The following SLC4A4 variants were observed in gnomAD, a reference collection of about 807,000 sequenced individuals.
SLC4A4 encodes the protein solute carrier family 4 member 4.
SLC4A4 carries 27 observed loss-of-function variants against 111.5 expected under a neutral mutation model. That is an observed-to-expected ratio of 0.24 (90% CI 0.18 to 0.33). The LOEUF (loss-of-function observed/expected upper bound fraction) is 0.33. SLC4A4 is among the 10% of genes least tolerant of loss of function. The probability of loss-of-function intolerance (pLI) is 1.00; values close to 1 mark genes in which losing one functional copy is unlikely to be tolerated. For synonymous variants in SLC4A4, 443 were observed against 463.4 expected (o/e 0.96, Z 0.57); for missense variants, 909 against 1,315.5 (o/e 0.69, Z 4.78).
Position 71,567,635 on chromosome 4 carries a change from T to G in SLC4A4, c.*37-153T>G, listed in dbSNP as rs148730529. On this transcript the variant is annotated intron_variant, in intron 25 of 25. Coordinates refer to ENST00000264485, the MANE Select transcript of SLC4A4 (RefSeq NM_001098484.3). ...GACTCTGCTGGTAACCTTCATCCCA[T>G]TTAAAATGTTTGTTTTTAATACACA... Among the ~76,000 whole-genome samples the G allele has an allele frequency of 3.6e-3, 549 of 151,902 alleles. 3 individuals are homozygous for G. The highest frequency in any genetic ancestry group is 0.013 in the African/African-American group (529 of 41,504).
At chr4:71,084,002 C>T (rs1742071190) in intron 1 of SLC4A4, among the ~76,000 whole-genome samples, 1 of 146,476 alleles carries the variant, frequency 6.8e-6, no homozygotes, top group Admixed American at 6.8e-5. Flanking sequence ...CTGGAGCTGT[C>T]TCTCTCTCTC....
chr4:71,212,615 A>C (rs1484919307), intron 1 of SLC4A4, among the ~76,000 whole-genome samples: 1 of 152,246 alleles, frequency 6.6e-6, no homozygotes, highest in Non-Finnish European at 1.5e-5. Flanking sequence ...GGTTGAGACT[A>C]GATGAATGAG....
At chr4:71,532,002 C>T in intron 16 of SLC4A4, 60 bp from the exon 17 acceptor site, 1 of 984,228 alleles carries the variant, frequency 1.0e-6, no homozygotes, top group East Asian at 2.5e-5. Flanking sequence ...TCAGTTCAAA[C>T]ACAGACAAAT....
chr4:71,458,881 T>C (rs945911561), intron 12 of SLC4A4, among the ~76,000 whole-genome samples: 1 of 152,060 alleles, frequency 6.6e-6, no homozygotes, highest in Admixed American at 6.6e-5. Context: ...CATTTCCTCC[T>C]TGAAGTGAAA....
chr4:71,135,611 T>C (rs536632552), intron 2 of SLC4A4, among the ~76,000 whole-genome samples: 2 of 152,302 alleles, frequency 1.3e-5, no homozygotes, highest in South Asian at 4.1e-4. Context: ...TCTACTCTTT[T>C]AGCAATTTTC....
intron 6 of SLC4A4, among the ~76,000 whole-genome samples, chr4:71,374,428 G>T (rs1235681375): frequency 2.0e-5 from 3 of 152,062 alleles, no homozygotes; most frequent in African/African-American, 4.8e-5. Flanking sequence ...TGATGTCTAT[G>T]TTCAGACTTT....
intron 7 of SLC4A4, among the ~76,000 whole-genome samples, chr4:71,432,396 C>T (rs1577887124): frequency 6.6e-6 from 1 of 152,124 alleles, no homozygotes; most frequent in Non-Finnish European, 1.5e-5. Flanking sequence ...ACACTCTGCT[C>T]TGTGTTATAG....
intron 7 of SLC4A4, among the ~76,000 whole-genome samples, chr4:71,398,586 G>A (rs908507961): frequency 6.6e-6 from 1 of 152,046 alleles, no homozygotes. Flanking sequence ...AAATTTCAAA[G>A]TTTTGAAGAA....
chr4:71,380,377 T>C (rs912324199), intron 6 of SLC4A4, among the ~76,000 whole-genome samples: 11 of 152,172 alleles, frequency 7.2e-5, no homozygotes, highest in African/African-American at 2.7e-4. Flanking sequence ...GTATTTATGG[T>C]AGTCATTAGG....
At chr4:71,100,845 T>C (rs1248757923) in intron 2 of SLC4A4, among the ~76,000 whole-genome samples, 3 of 152,118 alleles carry the variant, frequency 2.0e-5, no homozygotes, top group Admixed American at 6.5e-5. Context: ...CCATTCACAA[T>C]TGCCACAAAA....
chr4:71,315,819 A>G (rs1172805125), intron 3 of SLC4A4, among the ~76,000 whole-genome samples: 2 of 152,178 alleles, frequency 1.3e-5, no homozygotes, highest in Non-Finnish European at 2.9e-5. Context: ...TTGGTTTGTA[A>G]CATGGAAGAT....
intron 1 of SLC4A4, among the ~76,000 whole-genome samples, chr4:71,192,832 C>G (rs1745795841): frequency 6.6e-6 from 1 of 152,182 alleles, no homozygotes; most frequent in Non-Finnish European, 1.5e-5. Flanking sequence ...ATCCGGAAGT[C>G]TCCTCTAACT....
rs752064512 is a variant in SLC4A4 at position 71,397,658 on chromosome 4, GC to G, written c.807+6del. 1.9e-6 allele frequency: 3 copies of G among 1,613,216 alleles called. No individual in the cohort carries two copies. Among genetic ancestry groups the G allele is most frequent in the Non-Finnish European group, 2.5e-6 (3 of 1,179,236 alleles). ...GATAAACCGGAGAAGGACCAGGTAAGCAAAAAATTCTTGCTTCTTTGAAATG... is the reference window on the plus strand; with the variant it reads ...GATAAACCGGAGAAGGACCAGGTAAGAAAAAATTCTTGCTTCTTTGAAATG... On this transcript the variant is annotated splice_donor_region_variant and intron_variant, in intron 7 of 25. Coordinates refer to ENST00000264485, the MANE Select transcript of SLC4A4 (RefSeq NM_001098484.3).
At chr4:71,120,994 C>T (rs1299144349) in intron 2 of SLC4A4, among the ~76,000 whole-genome samples, 13 of 152,186 alleles carry the variant, frequency 8.5e-5, no homozygotes, top group Non-Finnish European at 1.8e-4. Context: ...TCCGGGTGGG[C>T]ACGCGCTCGG....
intron 23 of SLC4A4, among the ~76,000 whole-genome samples, chr4:71,563,347 G>A (rs1737160068): frequency 1.5e-5 from 2 of 134,536 alleles, no homozygotes; most frequent in African/African-American, 5.3e-5. Flanking sequence ...TCTGTCACTT[G>A]TTCTAGAAGG....
At chr4:71,166,840 A>C (rs1744790092) in intron 2 of SLC4A4, among the ~76,000 whole-genome samples, 1 of 152,190 alleles carries the variant, frequency 6.6e-6, no homozygotes, top group Non-Finnish European at 1.5e-5. Context: ...TTAGTTTAAA[A>C]ATTTTGTTTG....
chr4:71,465,789 T>A (rs1421063746), intron 12 of SLC4A4, among the ~76,000 whole-genome samples: 1 of 152,062 alleles, frequency 6.6e-6, no homozygotes, highest in Non-Finnish European at 1.5e-5. Flanking sequence ...AAAAGACTAC[T>A]TATTTATGTT....
At chr4:71,511,824 G>A (rs1731949442) in intron 16 of SLC4A4, among the ~76,000 whole-genome samples, 1 of 151,970 alleles carries the variant, frequency 6.6e-6, no homozygotes, top group Admixed American at 6.5e-5. Context: ...ACCTCAATGT[G>A]ATCAAATTTT....
chr4:71,223,095 A>G (rs1718843499), intron 1 of SLC4A4, among the ~76,000 whole-genome samples: 1 of 150,670 alleles, frequency 6.6e-6, no homozygotes, highest in Admixed American at 6.6e-5. Context: ...CAGTGAGTCT[A>G]CTCTTTCACT....
Sources: allele counts gnomAD v4.1 joint callset (sites outside exome capture counted in the v4.1 genomes callset), GRCh38; gene constraint gnomAD v4.1.1; transcripts MANE v1.5; gene names NCBI Gene and HGNC (gene_info 2026-07-23, HGNC 2026-07-21).